Variants in PDLIM3 observed in about 807,000 individuals in gnomAD.
PDLIM3 encodes the protein PDZ and LIM domain 3.
Under a neutral mutation model 37.3 loss-of-function variants are expected in PDLIM3, and 36 were observed. The observed-to-expected ratio is 0.97, with a 90% confidence interval of 0.74 to 1.28. The LOEUF is 1.28. Among genes scored for constraint, PDLIM3 ranks in the 50% most tolerant of loss-of-function variants. PDLIM3 has a pLI of 0.00. For synonymous variants in PDLIM3, 174 were observed against 182.4 expected, an observed-to-expected ratio of 0.95 and a Z score of 0.37; for missense variants, 454 against 485.0, an observed-to-expected ratio of 0.94 and a Z score of 0.60.
rs1346425675 is a variant in PDLIM3, at chr4:185,501,256, C to G, written c.*1038G>C. 1 of 152,282 alleles carries G rather than the reference C, an allele frequency of 6.6e-6. No homozygotes were observed. Among genetic ancestry groups the G allele is most frequent in the Non-Finnish European group, 1.5e-5 (1 of 68,140 alleles). The allele number at this position is 152,282 out of a possible 1,614,324, so 9.4% of individuals were successfully genotyped here. ...AGTGGAGGTGTTATTATTGCCTGGC[C>G]TCAACTATGTCAAGAAAACAGACCA... On this transcript the variant is annotated 3_prime_UTR_variant, in exon 8 of 8. Coordinates refer to ENST00000284767, the MANE Select transcript of PDLIM3 (RefSeq NM_014476.6).
At chr4:185,509,986 C>T (rs2095704103) in intron 4 of PDLIM3, among the ~76,000 whole-genome samples, 1 of 152,030 alleles carries the variant, frequency 6.6e-6, no homozygotes, top group Admixed American at 6.6e-5. Flanking sequence ...CAGGTGAATA[C>T]CAGCTTGCTC....
In PDLIM3 at chr4:185,535,337, CCTA is replaced by C. The variant is rs2153340587; in HGVS notation, c.93+2_93+4del. The C allele has an allele frequency of 6.2e-7, 1 of 1,605,496 alleles. No homozygotes were observed. ...CGCAGCAAAAGCAAGAATGCCGACA[CCTA>C]CCCTGGTGATGACCAAAGGCTGGTT... On this transcript the variant is annotated splice_donor_variant and splice_donor_region_variant and intron_variant, in intron 1 of 7. Coordinates refer to ENST00000284767, the MANE Select transcript of PDLIM3 (RefSeq NM_014476.6). LOFTEE classifies it high-confidence loss of function.
At chr4:185,518,485 T>C (rs2095718068) in intron 3 of PDLIM3, among the ~76,000 whole-genome samples, 1 of 151,964 alleles carries the variant, frequency 6.6e-6, no homozygotes, top group Non-Finnish European at 1.5e-5. Context: ...CATATGTGTA[T>C]ATAAAATCAA....
intron 4 of PDLIM3, among the ~76,000 whole-genome samples, chr4:185,509,480 C>T (rs147145372): frequency 4.3e-4 from 66 of 152,150 alleles, no homozygotes; most frequent in African/African-American, 1.5e-3. Context: ...TCATGCACAT[C>T]GAAGAACTAG....
chr4:185,502,504 C>A lies in PDLIM3; in HGVS notation c.906-21G>T, dbSNP rs762969381. On this transcript the variant is annotated intron_variant, in intron 7 of 7. Transcript: ENST00000284767. ...CACCGCTGTTGGGGAAGAAAACGAG[C>A]TCAAGTTAAAAAACCACAGAGCAAA... 10 of 1,612,554 alleles carry A rather than the reference C, an allele frequency of 6.2e-6. No homozygotes were observed. In the East Asian group the frequency reaches 1.6e-4, roughly 25 times the overall value.
rs546789042 is a variant in PDLIM3 at position 185,504,692 on chromosome 4, C to T, written c.794-106G>A. On this transcript the variant is annotated intron_variant, in intron 6 of 7. Transcript: ENST00000284767. The surrounding 1 kb of genome is among the most constrained non-coding windows in gnomAD (Gnocchi z 4.7). Reference sequence around the variant, plus strand: ...CTTTAACCTGAAGTTGCATCTGCACCGTCATTCCGAGAGGGGCAGGACTGA... The same window carrying T: ...CTTTAACCTGAAGTTGCATCTGCACTGTCATTCCGAGAGGGGCAGGACTGA... The T allele has an allele frequency of 2.8e-4, 233 of 840,272 alleles. 3 individuals carry two copies. The highest frequency in any genetic ancestry group is 2.7e-3 in the South Asian group (186 of 69,516). The allele number at this position is 840,272 out of a possible 1,614,324, so 52.1% of individuals were successfully genotyped here. A position where few individuals can be genotyped will look rare whatever the true frequency, so the allele number is the denominator to read the frequency against.
chr4:185,535,182 G>A (rs1378972892), intron 1 of PDLIM3, among the ~76,000 whole-genome samples, 160 bp downstream of exon 1: 1 of 151,992 alleles, frequency 6.6e-6, no homozygotes, highest in Non-Finnish European at 1.5e-5. Context: ...AGTTGCCGCC[G>A]CCCCCGGAGC....
chr4:185,507,359 T>C (rs1283502056), intron 5 of PDLIM3, among the ~76,000 whole-genome samples: 2 of 152,210 alleles, frequency 1.3e-5, no homozygotes, highest in African/African-American at 4.8e-5. Flanking sequence ...ATATTCATAA[T>C]AGACAATAAA....
chr4:185,512,215 G>T (rs1187206371), intron 4 of PDLIM3: 3 of 150,942 alleles, frequency 2.0e-5, no homozygotes, highest in Admixed American at 6.7e-5. Context: ...CCCAGTAGCT[G>T]GGATTACAGG....
intron 3 of PDLIM3, among the ~76,000 whole-genome samples, chr4:185,518,649 T>G (rs1362651316): frequency 6.6e-6 from 1 of 152,140 alleles, no homozygotes; most frequent in Admixed American, 6.5e-5. Flanking sequence ...AAATAAACAG[T>G]AAAGTCACCC....
chr4:185,518,314 C>G (rs1377111487), intron 3 of PDLIM3, among the ~76,000 whole-genome samples: 4 of 152,156 alleles, frequency 2.6e-5, no homozygotes, highest in African/African-American at 9.7e-5. Context: ...TGACAGCAGT[C>G]AAAGGCTTCA....
chr4:185,525,393 T>TA (rs1300532885), intron 1 of PDLIM3, among the ~76,000 whole-genome samples: 5 of 152,232 alleles, frequency 3.3e-5, no homozygotes, highest in African/African-American at 1.2e-4. Flanking sequence ...CATATCCTTG[T>TA]ATCTGTTACT....
At position 185,522,267 on chromosome 4, in the gene PDLIM3, G is replaced by A. The variant is rs1019836126; in HGVS notation, c.330+1095C>T. Among the ~76,000 whole-genome samples, 9 of 66,208 alleles carry A rather than the reference G, an allele frequency of 1.4e-4. 4 individuals carry two copies. Among genetic ancestry groups the A allele is most frequent in the African/African-American group, 2.5e-4 (9 of 36,418 alleles). The allele number at this position is 66,208 out of a possible 152,430, so 43.4% of individuals were successfully genotyped here. A position where few individuals can be genotyped will look rare whatever the true frequency, so the allele number is the denominator to read the frequency against. On this transcript the variant is annotated intron_variant, in intron 3 of 7. Transcript: ENST00000284767. ...GATCCCAGCCTGGGGTGGGGGTAACGTACTGATAATAAGGACAGCTACCAC... is the reference window on the plus strand; with the variant it reads ...GATCCCAGCCTGGGGTGGGGGTAACATACTGATAATAAGGACAGCTACCAC...
At chr4:185,513,769 T>C in intron 4 of PDLIM3, 1 of 1,031,834 alleles carries the variant, frequency 9.7e-7, no homozygotes, top group Non-Finnish European at 1.2e-6. Flanking sequence ...CCCCTTAGGT[T>C]GGAGTTCAAT....
At chr4:185,513,530 T>TTAA (rs113679669) in intron 4 of PDLIM3, 37 of 971,910 alleles carry the variant, frequency 3.8e-5, no homozygotes, top group African/African-American at 2.1e-4. Context: ...TTTTTTTTTT[T>TTAA]AAACAAAAGA....
At chr4:185,503,410 A>G (rs1348203078) in intron 7 of PDLIM3, among the ~76,000 whole-genome samples, 1 of 152,128 alleles carries the variant, frequency 6.6e-6, no homozygotes, top group East Asian at 1.9e-4. Flanking sequence ...CTCTGCTCCG[A>G]GCTCCCTGCC....
intron 4 of PDLIM3, among the ~76,000 whole-genome samples, chr4:185,509,941 T>C (rs998023857): frequency 1.3e-5 from 2 of 152,012 alleles, no homozygotes; most frequent in Admixed American, 1.3e-4. Flanking sequence ...TGTCTTGTGC[T>C]ATCCAGTTTA....
chr4:185,516,338 A>G (rs989873118), intron 3 of PDLIM3: 5 of 152,236 alleles, frequency 3.3e-5, no homozygotes, highest in African/African-American at 9.6e-5. Context: ...AACATATATA[A>G]TTATTTGAAA....
chr4:185,514,926 C>T lies in PDLIM3; in HGVS notation c.331-589G>A. 3 of 1,512,604 alleles carry T rather than the reference C, an allele frequency of 2.0e-6. No individual in the cohort carries two copies. Among genetic ancestry groups the T allele is most frequent in the Non-Finnish European group, 2.7e-6 (3 of 1,122,938 alleles). 93.7% of individuals were successfully genotyped at this position (1,512,604 alleles called of 1,614,324 possible). On this transcript the variant is annotated intron_variant, in intron 3 of 7. Transcript: ENST00000284767. This position sits in a 1 kb window ranked among gnomAD's most constrained non-coding sequence, Gnocchi z 4.0. ...GCAGACAAAATACACAGCCACACAG[C>T]GCACAAGAAAGCCATTAGTGAGCGA...
Sources: gnomAD v4.1 joint callset for allele counts (sites outside exome capture counted in the v4.1 genomes callset) on GRCh38, gnomAD v4.1.1 for gene constraint, Gnocchi (gnomAD v3.1) non-coding constraint, MANE v1.5 for transcripts, NCBI Gene and HGNC (gene_info 2026-07-23, HGNC 2026-07-21) for gene names.